The following PRKAG2 variants were observed in gnomAD, a reference collection of about 807,000 sequenced individuals.
PRKAG2 encodes protein kinase AMP-activated non-catalytic subunit gamma 2.
PRKAG2 carries 26 observed loss-of-function variants against 69.6 expected under a neutral mutation model. The ratio of observed to expected loss-of-function variants is 0.37; its 90% CI spans 0.27 to 0.52. PRKAG2 has a LOEUF of 0.52. Ranked by LOEUF, PRKAG2 falls within the 20% of genes least tolerant of loss-of-function variation. The probability of loss-of-function intolerance (pLI) is 0.90; values close to 1 mark genes in which losing one functional copy is unlikely to be tolerated. For missense variants in PRKAG2, 557 were observed against 740.0 expected (o/e 0.75, Z 2.87); for synonymous variants, 293 against 285.0 (o/e 1.03, Z -0.28).
chr7:151,735,475 G>A (rs1799626096), intron 3 of PRKAG2, among the ~76,000 whole-genome samples: 1 of 152,134 alleles, frequency 6.6e-6, no homozygotes, highest in Non-Finnish European at 1.5e-5. Context: ...CGATCTGTCA[G>A]ATTACTCCGC....
chr7:151,663,651 C>T (rs1002746739), intron 4 of PRKAG2, among the ~76,000 whole-genome samples: 6 of 152,226 alleles, frequency 3.9e-5, no homozygotes, highest in Admixed American at 2.6e-4. Flanking sequence ...TAAGCCACCA[C>T]GTCTGGCCCA....
At chr7:151,563,464 T>A (rs1281519705) in intron 14 of PRKAG2, among the ~76,000 whole-genome samples, 1 of 152,252 alleles carries the variant, frequency 6.6e-6, no homozygotes. Context: ...GACTTATCAT[T>A]CACTTTGTTA....
chr7:151,675,470 G>A lies in PRKAG2; in HGVS notation c.634C>T (p.Pro212Ser), dbSNP rs1356539220. Residue 212 changes from proline to serine, a missense_variant, in exon 4 of 16, where the codon CCG becomes TCG. This residue lies in a region of PRKAG2 where 352 missense variants were observed against 356.7 expected (regional missense o/e 0.99). Transcript: ENST00000287878. ...GGTGATGCCAGTGGAGGCCTGGTCG[G>A]GCTCTGGAAGGAAGACGGGCAGAAC... ...QRFCPSSFQS[P>S]TRPPLASPTH... The A allele has an allele frequency of 6.2e-7, 1 of 1,614,212 alleles. No individual in the cohort carries two copies. Among genetic ancestry groups the A allele is most frequent in the Non-Finnish European group, 8.5e-7 (1 of 1,180,054 alleles).
rs948101514 is a variant in PRKAG2 at position 151,559,146 on chromosome 7, A to G, written c.1678+1378T>C. The G allele has an allele frequency of 2.4e-5, 24 of 984,996 alleles. No homozygotes were observed. In the African/African-American group the frequency reaches 4.2e-4, roughly 17 times the overall value. The allele number at this position is 984,996 out of a possible 1,614,324, so 61.0% of individuals were successfully genotyped here. A position where few individuals can be genotyped will look rare whatever the true frequency, so the allele number is the denominator to read the frequency against. ...TATGCCTGCCTGGAAATTTATATGAATTTAATGATGGTCTGGATGAGCCTG... is the reference window on the plus strand; with the variant it reads ...TATGCCTGCCTGGAAATTTATATGAGTTTAATGATGGTCTGGATGAGCCTG... On this transcript the variant is annotated intron_variant, in intron 15 of 15. Transcript: ENST00000287878.
At position 151,719,971 on chromosome 7, in the gene PRKAG2, G is replaced by T. The variant is rs1446342251; in HGVS notation, c.467-44334C>A. On this transcript the variant is annotated intron_variant, in intron 3 of 15. Coordinates refer to ENST00000287878, the MANE Select transcript of PRKAG2 (RefSeq NM_016203.4). This position sits in a 1 kb window ranked among gnomAD's most constrained non-coding sequence, Gnocchi z 5.2. ...TGCTCTGCCCAGGTCCAGACCAGGG[G>T]CAGCTCTGGCCCAGTCCTGGGCTCC... Among the ~76,000 whole-genome samples, 1 of 152,186 alleles carries T rather than the reference G, an allele frequency of 6.6e-6. No homozygotes were observed. The highest frequency in any genetic ancestry group is 1.9e-4 in the East Asian group (1 of 5,194).
chr7:151,607,374 C>T (rs982240479), intron 5 of PRKAG2, among the ~76,000 whole-genome samples: 1 of 152,138 alleles, frequency 6.6e-6, no homozygotes, highest in Non-Finnish European at 1.5e-5. Context: ...CTTGAACTCT[C>T]AGGCTCAAGC....
At chr7:151,658,496 A>G (rs1362701117) in intron 4 of PRKAG2, among the ~76,000 whole-genome samples, 1 of 151,972 alleles carries the variant, frequency 6.6e-6, no homozygotes, top group Non-Finnish European at 1.5e-5. Context: ...AAAAAAAAAA[A>G]AAAAAGTATT....
chr7:151,718,935 C>T (rs1198806179), intron 3 of PRKAG2, among the ~76,000 whole-genome samples: 3 of 152,140 alleles, frequency 2.0e-5, no homozygotes, highest in Non-Finnish European at 4.4e-5. Flanking sequence ...GCCTGTTTCC[C>T]TGTGTTCCTG....
intron 1 of PRKAG2, among the ~76,000 whole-genome samples, chr7:151,808,068 C>T (rs777461080): frequency 6.6e-6 from 1 of 152,168 alleles, no homozygotes; most frequent in Non-Finnish European, 1.5e-5. Context: ...ATGTGAGGAA[C>T]CCCGGCCACA....
At chr7:151,801,993 G>C (rs761583126) in intron 1 of PRKAG2, among the ~76,000 whole-genome samples, 1 of 152,200 alleles carries the variant, frequency 6.6e-6, no homozygotes, top group Non-Finnish European at 1.5e-5. Flanking sequence ...GTGCAGGATG[G>C]AGTCTCCATG....
intron 5 of PRKAG2, among the ~76,000 whole-genome samples, chr7:151,628,096 C>T (rs1860737): frequency 1.3e-5 from 2 of 152,262 alleles, no homozygotes; most frequent in Non-Finnish European, 2.9e-5. Flanking sequence ...TGCTAAGAAG[C>T]GGGTAAAATC....
intron 1 of PRKAG2, among the ~76,000 whole-genome samples, chr7:151,826,678 AG>A (rs1473763808): frequency 6.6e-6 from 1 of 152,238 alleles, no homozygotes. Context: ...AATGTTCTAA[AG>A]GGACATTAAA....
At chr7:151,834,755 C>T (rs1313341302) in intron 1 of PRKAG2, among the ~76,000 whole-genome samples, 1 of 152,204 alleles carries the variant, frequency 6.6e-6, no homozygotes, top group Non-Finnish European at 1.5e-5. Flanking sequence ...CAGTGCCGCC[C>T]CTCCCCATCG....
In PRKAG2 at chr7:151,595,401, A is replaced by T; in HGVS notation, c.808T>A (p.Cys270Ser). Residue 270 changes from cysteine (C) to serine (S), a missense_variant, in exon 6 of 16, where the codon TGT becomes AGT. Physicochemically the swap from Cys to Ser is moderately radical, Grantham distance 112 (BLOSUM62 -1). Coordinates refer to ENST00000287878, the MANE Select transcript of PRKAG2 (RefSeq NM_016203.4). Reference protein sequence around the residue: ...VYMRFMRSHKCYDIVPTSSKL... With the variant: ...VYMRFMRSHKSYDIVPTSSKL... ...GAACTGGTTGGAACGATGTCATAAC[A>T]CTTGTGTGACCTCATGAATCGCATG... The T allele has an allele frequency of 6.2e-7, 1 of 1,614,138 alleles. No homozygotes were observed. The highest frequency in any genetic ancestry group is 1.1e-5 in the South Asian group (1 of 91,088).
chr7:151,818,944 T>C (rs1053737718), intron 1 of PRKAG2, among the ~76,000 whole-genome samples: 1 of 152,236 alleles, frequency 6.6e-6, no homozygotes, highest in African/African-American at 2.4e-5. Context: ...TGGTTGCTTC[T>C]GAAATATCCC....
chr7:151,781,366 C>G lies in PRKAG2; in HGVS notation c.252G>C (p.Arg84=), dbSNP rs2076658352. 10 of 1,613,122 alleles carry G rather than the reference C, an allele frequency of 6.2e-6. No homozygotes were observed. Among genetic ancestry groups the G allele is most frequent in the Non-Finnish European group, 7.6e-6 (9 of 1,179,700 alleles). Residue 84 remains arginine (R), a synonymous_variant, in exon 3 of 16, where the codon CGG becomes CGC. Coordinates refer to ENST00000287878, the MANE Select transcript of PRKAG2 (RefSeq NM_016203.4). The surrounding 1 kb of genome is among the most constrained non-coding windows in gnomAD (Gnocchi z 6.1). ...CAGGTGCAGACATGGGGCTGGAGGG[C>G]CGGGGCTGGGGGCCTCTGGAGAAGA... is the stretch of plus-strand genomic sequence containing the variant. The part of the protein sequence containing the change: ...KGFFSRGPQP[R]PSSPMSAPVR...
At chr7:151,794,277 T>C (rs528259356) in intron 1 of PRKAG2, among the ~76,000 whole-genome samples, 2 of 152,212 alleles carry the variant, frequency 1.3e-5, no homozygotes, top group Non-Finnish European at 2.9e-5. Flanking sequence ...AAACTCTTTT[T>C]GCTCAAAACC....
Position 151,614,357 on chromosome 7 carries a change from C to A in PRKAG2, c.754+17712G>T, listed in dbSNP as rs1275244615. 6.6e-6 allele frequency among the ~76,000 whole-genome samples: 1 copy of A among 152,196 alleles called. No individual in the cohort carries two copies. The highest frequency in any genetic ancestry group is 2.1e-4 in the South Asian group (1 of 4,822). On this transcript the variant is annotated intron_variant, in intron 5 of 15. Transcript: ENST00000287878. The surrounding 1 kb of genome is among the most constrained non-coding windows in gnomAD (Gnocchi z 4.4). ...GGCAGGGAGGCCATGGGGTCGGTTACGTTGGGCGCTTGGCATGTGCTCTGT... is the reference window on the plus strand; with the variant it reads ...GGCAGGGAGGCCATGGGGTCGGTTAAGTTGGGCGCTTGGCATGTGCTCTGT...
At chr7:151,728,927 G>A (rs564548264) in intron 3 of PRKAG2, among the ~76,000 whole-genome samples, 3 of 152,252 alleles carry the variant, frequency 2.0e-5, no homozygotes, top group African/African-American at 7.2e-5. Context: ...AAAGGGAAAG[G>A]GGCACTTGAC....
Sources: gnomAD v4.1 joint callset for allele counts (sites outside exome capture counted in the v4.1 genomes callset) on GRCh38, gnomAD v4.1.1 for gene constraint, gnomAD v4.1.1 regional missense constraint, Gnocchi (gnomAD v3.1) non-coding constraint, MANE v1.5 for transcripts, NCBI Gene and HGNC (gene_info 2026-07-23, HGNC 2026-07-21) for gene names.